The following GPHN variants were observed in gnomAD, a reference collection of about 807,000 sequenced individuals.
GPHN encodes the protein gephyrin.
GPHN carries 17 observed loss-of-function variants against 95.5 expected under a neutral mutation model. The ratio of observed to expected loss-of-function variants is 0.18; its 90% CI spans 0.12 to 0.27. The LOEUF (loss-of-function observed/expected upper bound fraction) is 0.27. Ranked by LOEUF, GPHN falls within the 10% of genes least tolerant of loss-of-function variation. The pLI, the probability that GPHN is intolerant of heterozygous loss-of-function variation, is 1.00. For synonymous variants in GPHN, 320 were observed against 322.5 expected (o/e 0.99, Z 0.08); for missense variants, 660 against 978.1 (o/e 0.67, Z 4.34).
chr14:67,026,364 A>G (rs1056086946), intron 10 of GPHN, among the ~76,000 whole-genome samples: 1 of 152,198 alleles, frequency 6.6e-6, no homozygotes, highest in African/African-American at 2.4e-5. Flanking sequence ...AATACTACCA[A>G]TTACCATTAT....
At chr14:66,606,398 T>C (rs2062536799) in intron 1 of GPHN, among the ~76,000 whole-genome samples, 3 of 152,194 alleles carry the variant, frequency 2.0e-5, no homozygotes, top group Admixed American at 1.3e-4. Flanking sequence ...ACTATAGCCT[T>C]ATAGTATAGT....
At chr14:67,528,290 C>T in the GPHN span, among the ~76,000 whole-genome samples, 15 of 152,310 alleles carry the variant, frequency 9.8e-5, no homozygotes, top group Admixed American at 3.3e-4. Context: ...GCATGAAAAC[C>T]CATTGTCTAC....
chr14:66,856,221 G>A (rs1216751151), intron 4 of GPHN, among the ~76,000 whole-genome samples: 3 of 152,162 alleles, frequency 2.0e-5, no homozygotes, highest in Non-Finnish European at 4.4e-5. Flanking sequence ...TGGAAGTTAA[G>A]ATGTGGGAAC....
At chr14:66,870,893 G>A (rs1224324292) in intron 4 of GPHN, among the ~76,000 whole-genome samples, 2 of 152,122 alleles carry the variant, frequency 1.3e-5, no homozygotes, top group Non-Finnish European at 2.9e-5. Flanking sequence ...GTAAATAAGA[G>A]TTTGAGCCAT....
the GPHN span, among the ~76,000 whole-genome samples, chr14:67,298,656 C>A: frequency 6.6e-6 from 1 of 152,058 alleles, no homozygotes; most frequent in South Asian, 2.1e-4. Context: ...TTTGGAGTAA[C>A]TGACTTTATT....
At chr14:66,902,244 T>C (rs1258983685) in intron 5 of GPHN, among the ~76,000 whole-genome samples, 2 of 152,108 alleles carry the variant, frequency 1.3e-5, no homozygotes, top group Non-Finnish European at 2.9e-5. Context: ...ATATTGAATT[T>C]GTTTATCAAT....
At chr14:67,688,068 C>T in the GPHN span, among the ~76,000 whole-genome samples, 1 of 152,002 alleles carries the variant, frequency 6.6e-6, no homozygotes, top group African/African-American at 2.4e-5. Context: ...CCACCGCGCC[C>T]GGCCTCAGCC....
the GPHN span, among the ~76,000 whole-genome samples, chr14:67,713,397 C>CAAAAAAAA: frequency 8.4e-5 from 4 of 47,652 alleles, no homozygotes; most frequent in South Asian, 1.2e-3. Context: ...AGTAAAACTC[C>CAAAAAAAA]AAAAAAAAAA....
At chr14:66,632,343 C>T (rs941086073) in intron 1 of GPHN, among the ~76,000 whole-genome samples, 18 of 152,014 alleles carry the variant, frequency 1.2e-4, no homozygotes, top group African/African-American at 4.3e-4. Flanking sequence ...TTTTGATAAT[C>T]CCAGCTTTAT....
At chr14:67,436,729 G>A in the GPHN span, among the ~76,000 whole-genome samples, 56 of 152,216 alleles carry the variant, frequency 3.7e-4, no homozygotes, top group Non-Finnish European at 7.1e-4. Flanking sequence ...CTGCCCTCTG[G>A]AGGGAGAGAG....
At chr14:67,601,879 T>TA in the GPHN span, among the ~76,000 whole-genome samples, 1,572 of 146,164 alleles carry the variant, frequency 0.011, 29 homozygotes, top group African/African-American at 0.037. Context: ...TATATTCATT[T>TA]AAAAAAAAAA....
At chr14:66,989,851 A>AC (rs2071284803) in intron 9 of GPHN, among the ~76,000 whole-genome samples, 1 of 152,152 alleles carries the variant, frequency 6.6e-6, no homozygotes, top group African/African-American at 2.4e-5. Context: ...TATTCTCAGA[A>AC]CCATAGACTA....
the GPHN span, among the ~76,000 whole-genome samples, chr14:67,325,419 C>T: frequency 6.6e-6 from 1 of 152,108 alleles, no homozygotes; most frequent in Non-Finnish European, 1.5e-5. Flanking sequence ...GTGCTGCACC[C>T]CTTTTTCATT....
chr14:66,623,793 T>C (rs573576952), intron 1 of GPHN, among the ~76,000 whole-genome samples: 2 of 152,182 alleles, frequency 1.3e-5, no homozygotes, highest in Admixed American at 6.5e-5. Context: ...CTTTCATGGC[T>C]TTATTGGATA....
chr14:67,473,244 T>G, the GPHN span: 1 of 830,232 alleles, frequency 1.2e-6, no homozygotes, highest in South Asian at 1.8e-5. The surrounding 1 kb of genome is among the most constrained non-coding windows in gnomAD (Gnocchi z 6.5). Flanking sequence ...CCCCAACACC[T>G]GACCACGGCC....
chr14:66,661,040 C>T (rs1595445732), intron 1 of GPHN, among the ~76,000 whole-genome samples: 1 of 152,204 alleles, frequency 6.6e-6, no homozygotes, highest in East Asian at 1.9e-4. Flanking sequence ...GACCCGGGAA[C>T]TTTACATACT....
intron 4 of GPHN, among the ~76,000 whole-genome samples, chr14:66,831,402 C>T (rs1048403470): frequency 2.6e-5 from 4 of 152,136 alleles, no homozygotes; most frequent in South Asian, 4.2e-4. Context: ...TACTAGAAAC[C>T]CTTATACCTG....
At chr14:67,376,641 C>T in the GPHN span, 2 of 1,571,798 alleles carry the variant, frequency 1.3e-6, no homozygotes, top group Non-Finnish European at 1.7e-6. Context: ...CAACTCTTGG[C>T]CTGATATTTA....
At chr14:67,376,464 C>T in the GPHN span, 2 of 1,612,690 alleles carry the variant, frequency 1.2e-6, no homozygotes, top group Non-Finnish European at 8.5e-7. Context: ...CGTCATGTTG[C>T]TGAGGTGTTA....
Sources: gnomAD v4.1 joint callset for allele counts (sites outside exome capture counted in the v4.1 genomes callset) on GRCh38, gnomAD v4.1.1 for gene constraint, Gnocchi (gnomAD v3.1) non-coding constraint, MANE v1.5 for transcripts, NCBI Gene and HGNC (gene_info 2026-07-23, HGNC 2026-07-21) for gene names.